Variants in SEMA3A observed in about 807,000 individuals in gnomAD.
The protein encoded by SEMA3A is semaphorin 3A, also known as semaphorin-3A.
SEMA3A carries 29 observed loss-of-function variants against 97.9 expected under a neutral mutation model. The ratio of observed to expected loss-of-function variants is 0.30; its 90% CI spans 0.22 to 0.40. SEMA3A has a LOEUF of 0.40. Among genes scored for constraint, SEMA3A ranks in the 10% least tolerant of loss-of-function variants. The pLI, the probability that SEMA3A is intolerant of heterozygous loss-of-function variation, is 1.00. For synonymous variants in SEMA3A, 321 were observed against 323.7 expected (o/e 0.99, Z 0.09); for missense variants, 763 against 951.3 (o/e 0.80, Z 2.60).
intron 6 of SEMA3A, 77 bp downstream of exon 6, chr7:84,046,247 G>A: frequency 1.3e-6 from 2 of 1,507,440 alleles, no homozygotes; most frequent in South Asian, 1.2e-5. Flanking sequence ...CATATTGCAT[G>A]TACTGTAAAA....
At chr7:84,305,130 G>A (rs1380416540) in intron 3 of SEMA3A, among the ~76,000 whole-genome samples, 1 of 150,490 alleles carries the variant, frequency 6.6e-6, no homozygotes, top group African/African-American at 2.4e-5. Context: ...TTTACTGACA[G>A]AATTAGACAA....
intron 1 of SEMA3A, among the ~76,000 whole-genome samples, chr7:84,478,154 G>A (rs1159794397): frequency 1.3e-5 from 2 of 152,176 alleles, no homozygotes; most frequent in African/African-American, 2.4e-5. Context: ...ACCTTCTAGT[G>A]TCAGTTCCCT....
chr7:84,299,309 C>CAT (rs3077893), intron 3 of SEMA3A, among the ~76,000 whole-genome samples: 30,760 of 81,436 alleles, frequency 0.38, 6,284 homozygotes, highest in East Asian at 0.6. Context: ...TATATATCTC[C>CAT]ATATATATAT....
At chr7:84,410,143 A>G (rs563458613) in intron 1 of SEMA3A, among the ~76,000 whole-genome samples, 2 of 152,166 alleles carry the variant, frequency 1.3e-5, no homozygotes, top group East Asian at 3.9e-4. Flanking sequence ...ACAAAAGTAA[A>G]CTCATTGTTT....
intron 3 of SEMA3A, among the ~76,000 whole-genome samples, chr7:84,201,890 G>A (rs1403168494): frequency 1.3e-5 from 2 of 151,970 alleles, no homozygotes; most frequent in African/African-American, 4.8e-5. Flanking sequence ...CATAACTTTG[G>A]TGACTTAAAG....
intron 1 of SEMA3A, among the ~76,000 whole-genome samples, chr7:84,421,804 T>A (rs1277010831): frequency 6.6e-6 from 1 of 152,138 alleles, no homozygotes; most frequent in Non-Finnish European, 1.5e-5. Context: ...GTTCTGTTTA[T>A]GTGATGGATT....
At chr7:84,357,381 C>T (rs577463193) in intron 2 of SEMA3A, among the ~76,000 whole-genome samples, 236 of 148,602 alleles carry the variant, frequency 1.6e-3, no homozygotes, top group African/African-American at 4.9e-3. Flanking sequence ...TGAGAACATG[C>T]GGTGTTTGGT....
At chr7:84,329,321 T>C (rs902710212) in intron 2 of SEMA3A, among the ~76,000 whole-genome samples, 12 of 152,084 alleles carry the variant, frequency 7.9e-5, no homozygotes, top group Non-Finnish European at 1.8e-4. Context: ...CATGCAGCCG[T>C]GTCCAACCCT....
chr7:84,320,203 C>T (rs935924396), intron 2 of SEMA3A, among the ~76,000 whole-genome samples: 1 of 151,960 alleles, frequency 6.6e-6, no homozygotes, highest in Non-Finnish European at 1.5e-5. Flanking sequence ...CTTAATAATA[C>T]CTTACAGGGT....
chr7:84,441,896 C>CAAACA (rs1554387894), intron 1 of SEMA3A, among the ~76,000 whole-genome samples: 3 of 152,058 alleles, frequency 2.0e-5, no homozygotes, highest in Admixed American at 1.3e-4. Context: ...ATGCAAAAAA[C>CAAACA]AAACAAAACA....
intron 3 of SEMA3A, among the ~76,000 whole-genome samples, chr7:84,127,070 G>A (rs762890371): frequency 9.2e-5 from 14 of 151,440 alleles, no homozygotes; most frequent in Non-Finnish European, 1.9e-4. Flanking sequence ...GCTCTACTAT[G>A]AAGGTGTAAA....
At chr7:84,207,757 T>C (rs10281654) in intron 3 of SEMA3A, among the ~76,000 whole-genome samples, 3,313 of 152,200 alleles carry the variant, frequency 0.022, 148 homozygotes, top group African/African-American at 0.076. Flanking sequence ...GTAGGAAAAA[T>C]GTGTCTTCCT....
intron 3 of SEMA3A, among the ~76,000 whole-genome samples, chr7:84,226,285 C>T (rs1798989242): frequency 6.6e-6 from 1 of 151,768 alleles, no homozygotes; most frequent in South Asian, 2.1e-4. Flanking sequence ...ACACATTTTG[C>T]CATGGACTCC....
chr7:84,113,897 A>T (rs1323819290), intron 3 of SEMA3A, among the ~76,000 whole-genome samples: 2 of 152,030 alleles, frequency 1.3e-5, no homozygotes, highest in African/African-American at 4.8e-5. Flanking sequence ...ACTTACCCTT[A>T]TTTTTTTAAG....
chr7:84,034,991 GT>G (rs1474437418), intron 6 of SEMA3A, among the ~76,000 whole-genome samples: 1 of 151,824 alleles, frequency 6.6e-6, no homozygotes, highest in African/African-American at 2.4e-5. Context: ...TTACTTTCTA[GT>G]GGAACTACTA....
chr7:84,419,684 T>C (rs1478319635), intron 1 of SEMA3A, among the ~76,000 whole-genome samples: 1 of 152,156 alleles, frequency 6.6e-6, no homozygotes, highest in Non-Finnish European at 1.5e-5. Context: ...GAGTGGAATG[T>C]ATGCTCAGCA....
intron 6 of SEMA3A, 118 bp downstream of exon 6, chr7:84,046,206 C>T (rs1215694284): frequency 8.6e-7 from 1 of 1,166,520 alleles, no homozygotes; most frequent in South Asian, 1.7e-5. Flanking sequence ...AAGTCACCAC[C>T]ATTAGCTTAA....
chr7:84,154,416 G>A (rs968024035), intron 1 of SEMA3A, among the ~76,000 whole-genome samples: 4 of 151,992 alleles, frequency 2.6e-5, no homozygotes, highest in African/African-American at 7.3e-5. Flanking sequence ...GATGGCTCAC[G>A]CCTGTAATCC....
intron 11 of SEMA3A, among the ~76,000 whole-genome samples, chr7:84,004,835 A>G (rs1790600616): frequency 6.6e-6 from 1 of 152,208 alleles, no homozygotes; most frequent in South Asian, 2.1e-4. Context: ...GTAACGATAG[A>G]AACTGGCCTC....
Sources: allele counts gnomAD v4.1 joint callset (sites outside exome capture counted in the v4.1 genomes callset), GRCh38; gene constraint gnomAD v4.1.1; transcripts MANE v1.5; gene names NCBI Gene and HGNC (gene_info 2026-07-23, HGNC 2026-07-21).